The following EPHA6 variants were observed in gnomAD, a reference collection of about 807,000 sequenced individuals.
EPHA6 encodes EPH receptor A6.
In EPHA6, 50 loss-of-function variants were observed where a neutral mutation model predicts 112.0. The ratio of observed to expected loss-of-function variants is 0.45; its 90% CI spans 0.36 to 0.56. EPHA6 has a LOEUF of 0.56. EPHA6 is among the 20% of genes least tolerant of loss of function. The probability of loss-of-function intolerance (pLI) is 0.00; values close to 1 mark genes in which losing one functional copy is unlikely to be tolerated. For missense variants in EPHA6, 1,280 were observed against 1,417.4 expected, an observed-to-expected ratio of 0.90 and a Z score of 1.56; for synonymous variants, 529 against 490.7, an observed-to-expected ratio of 1.08 and a Z score of -1.03.
intron 14 of EPHA6, among the ~76,000 whole-genome samples, chr3:97,718,050 A>C (rs1322974416): frequency 6.6e-6 from 1 of 152,230 alleles, no homozygotes; most frequent in African/African-American, 2.4e-5. Flanking sequence ...AAGATCCAGC[A>C]TGAGAAATGC....
chr3:97,367,472 T>TTCTC, intron 5 of EPHA6, among the ~76,000 whole-genome samples: 1 of 152,052 alleles, frequency 6.6e-6, no homozygotes, highest in Non-Finnish European at 1.5e-5. Context: ...TCGAGGCAGC[T>TTCTC]TCTCTCTCTC....
intron 5 of EPHA6, among the ~76,000 whole-genome samples, chr3:97,271,091 T>C (rs186817177): frequency 1.3e-5 from 2 of 152,334 alleles, no homozygotes; most frequent in East Asian, 3.9e-4. Flanking sequence ...AGGACTAAAT[T>C]GACTAATATA....
chr3:97,078,761 A>G (rs1208355838), intron 3 of EPHA6, among the ~76,000 whole-genome samples: 4 of 151,924 alleles, frequency 2.6e-5, no homozygotes, highest in Non-Finnish European at 5.9e-5. Flanking sequence ...TATATCTCAA[A>G]CAGATGCAAT....
At chr3:97,021,164 A>C (rs1158143859) in intron 3 of EPHA6, among the ~76,000 whole-genome samples, 1 of 152,194 alleles carries the variant, frequency 6.6e-6, no homozygotes, top group Non-Finnish European at 1.5e-5. Context: ...GATCACTATT[A>C]ATTTCATAGG....
intron 6 of EPHA6, among the ~76,000 whole-genome samples, chr3:97,407,429 G>A (rs964503554): frequency 4.0e-5 from 6 of 151,002 alleles, no homozygotes; most frequent in African/African-American, 4.9e-5. Flanking sequence ...ATAATTATAT[G>A]TAAAAATTAA....
Position 97,428,002 on chromosome 3 carries a change from C to T in EPHA6, c.1732-20566C>T, listed in dbSNP as rs117379534. 3.6e-4 allele frequency among the ~76,000 whole-genome samples: 55 copies of T among 152,108 alleles called. No homozygotes were observed. The East Asian group carries it at 9.3e-3, about 26-fold the overall frequency. ...AAATAATCTATACCCCAAATCCCTGCAACACACAATTTATGTAACAAACCT... is the reference window on the plus strand; with the variant it reads ...AAATAATCTATACCCCAAATCCCTGTAACACACAATTTATGTAACAAACCT... On this transcript the variant is annotated intron_variant, in intron 6 of 17. Coordinates refer to ENST00000389672, the MANE Select transcript of EPHA6 (RefSeq NM_001080448.3).
chr3:97,588,740 A>G (rs760099508), intron 11 of EPHA6, among the ~76,000 whole-genome samples: 4 of 152,226 alleles, frequency 2.6e-5, no homozygotes, highest in Non-Finnish European at 4.4e-5. Flanking sequence ...AGAGTCAGTT[A>G]TAATTTTCAA....
intron 5 of EPHA6, among the ~76,000 whole-genome samples, chr3:97,360,985 A>G (rs974121405): frequency 3.2e-4 from 48 of 152,268 alleles, no homozygotes; most frequent in African/African-American, 1.1e-3. Flanking sequence ...ACTCAGCTCA[A>G]TTCCATCAAT....
chr3:96,843,781 A>G (rs920654103), intron 1 of EPHA6, among the ~76,000 whole-genome samples: 8 of 152,196 alleles, frequency 5.3e-5, no homozygotes, highest in African/African-American at 1.4e-4. Flanking sequence ...GCCTTTGTTT[A>G]TATGACGCCT....
chr3:97,493,320 G>T (rs183056061), intron 10 of EPHA6, among the ~76,000 whole-genome samples: 1 of 151,770 alleles, frequency 6.6e-6, no homozygotes, highest in Non-Finnish European at 1.5e-5. Context: ...AGATTGGGTG[G>T]CTTAAAAGGC....
chr3:97,365,135 A>G (rs190157500), intron 5 of EPHA6, among the ~76,000 whole-genome samples: 1 of 152,328 alleles, frequency 6.6e-6, no homozygotes, highest in East Asian at 1.9e-4. Flanking sequence ...TTCAAAAGGC[A>G]AATGAATATC....
chr3:97,473,780 A>G (rs1553785682), intron 7 of EPHA6, among the ~76,000 whole-genome samples: 2 of 151,880 alleles, frequency 1.3e-5, no homozygotes, highest in Non-Finnish European at 2.9e-5. Context: ...AAGATTAGGA[A>G]ATTCAGTGAA....
intron 5 of EPHA6, among the ~76,000 whole-genome samples, chr3:97,334,212 T>G (rs1437004448): frequency 2.0e-5 from 3 of 152,102 alleles, no homozygotes; most frequent in African/African-American, 7.2e-5. Context: ...AATACTGGGT[T>G]AAAGATCTTT....
chr3:96,893,690 A>G (rs925298915), intron 2 of EPHA6, among the ~76,000 whole-genome samples: 3 of 152,212 alleles, frequency 2.0e-5, no homozygotes, highest in African/African-American at 7.2e-5. Flanking sequence ...TCAGATACGG[A>G]GAAACTTGCA....
intron 2 of EPHA6, among the ~76,000 whole-genome samples, chr3:96,962,835 C>G (rs1308932639): frequency 6.6e-6 from 1 of 151,712 alleles, no homozygotes; most frequent in East Asian, 1.9e-4. Context: ...TAGAAATTAG[C>G]TGAGTAAGAG....
In EPHA6 at chr3:97,270,135, G is replaced by T. The variant is rs1237576702; in HGVS notation, c.1606+25848G>T. Among the ~76,000 whole-genome samples, 2 of 152,038 alleles carry T rather than the reference G, an allele frequency of 1.3e-5. 1 individual carries two copies. The highest frequency in any genetic ancestry group is 4.8e-5 in the African/African-American group (2 of 41,400). On this transcript the variant is annotated intron_variant, in intron 5 of 17. Coordinates refer to ENST00000389672, the MANE Select transcript of EPHA6 (RefSeq NM_001080448.3). ...ATTTTCAGAAAAAGCTAAAAATAAT[G>T]ATCACATTTTAAAATGTCAATATTT...
intron 2 of EPHA6, among the ~76,000 whole-genome samples, chr3:96,913,230 G>T (rs142341109): frequency 0.011 from 1,678 of 150,040 alleles, 14 homozygotes; most frequent in Non-Finnish European, 0.018. Flanking sequence ...CACGGGCATG[G>T]TGACACATAC....
intron 5 of EPHA6, among the ~76,000 whole-genome samples, chr3:97,346,161 T>G (rs2083521683): frequency 6.6e-6 from 1 of 152,142 alleles, no homozygotes; most frequent in African/African-American, 2.4e-5. Context: ...ACTAATGAAT[T>G]GTAATCTTCC....
chr3:97,681,504 G>A (rs751245777), intron 14 of EPHA6, among the ~76,000 whole-genome samples: 1 of 151,936 alleles, frequency 6.6e-6, no homozygotes, highest in Non-Finnish European at 1.5e-5. Flanking sequence ...TACATTCATA[G>A]CATGGATACT....
Sources: gnomAD v4.1 joint callset for allele counts (sites outside exome capture counted in the v4.1 genomes callset) on GRCh38, gnomAD v4.1.1 for gene constraint, MANE v1.5 for transcripts, NCBI Gene and HGNC (gene_info 2026-07-23, HGNC 2026-07-21) for gene names.